Variants in MRPL1 observed in about 807,000 individuals in gnomAD.
MRPL1 encodes large ribosomal subunit protein uL1m.
A neutral mutation model predicts 38.0 loss-of-function variants in MRPL1; 28 were observed. The ratio of observed to expected loss-of-function variants is 0.74; its 90% confidence interval spans 0.55 to 1.01. The LOEUF (loss-of-function observed/expected upper bound fraction) is 1.01. Among genes scored for constraint, MRPL1 ranks in the 50% least tolerant of loss-of-function variants. The pLI is 0.00. For missense variants in MRPL1, 358 were observed against 389.8 expected (o/e 0.92, Z 0.69); for synonymous variants, 123 against 126.7 (o/e 0.97, Z 0.20).
intron 1 of MRPL1, among the ~76,000 whole-genome samples, chr4:77,869,580 GTTGTTTGT>G (rs141857510): frequency 3.1e-4 from 47 of 151,410 alleles, no homozygotes; most frequent in South Asian, 1.3e-3. Context: ...CTTGCTTTTT[GTTGTTTGT>G]TTGTTTGTTT....
intron 7 of MRPL1, among the ~76,000 whole-genome samples, chr4:77,939,397 T>C (rs1578063220): frequency 6.6e-6 from 1 of 152,210 alleles, no homozygotes; most frequent in Non-Finnish European, 1.5e-5. Context: ...TTGTTTTTTT[T>C]CTTCCCGATT....
chr4:77,871,026 A>G (rs998074243), intron 1 of MRPL1, among the ~76,000 whole-genome samples: 12 of 152,272 alleles, frequency 7.9e-5, no homozygotes, highest in African/African-American at 2.9e-4. Flanking sequence ...TTTGGGATAC[A>G]TATACATATT....
intron 1 of MRPL1, among the ~76,000 whole-genome samples, chr4:77,867,709 T>C (rs931337654): frequency 6.7e-6 from 1 of 149,844 alleles, no homozygotes; most frequent in East Asian, 2.0e-4. Flanking sequence ...TGGGATTACA[T>C]GCGTGAACCA....
chr4:77,929,462 A>G lies in MRPL1; in HGVS notation c.777+20090A>G, dbSNP rs116791487. ...TAGTATTTACAGAAACAATAAAAACATCTATAAGGCCATGTTATGAATTAT... is the reference window on the plus strand; with the variant it reads ...TAGTATTTACAGAAACAATAAAAACGTCTATAAGGCCATGTTATGAATTAT... On this transcript the variant is annotated intron_variant, in intron 7 of 8. Transcript: ENST00000315567. Among the ~76,000 whole-genome samples, 1,072 of 152,310 alleles carry G rather than the reference A, an allele frequency of 7.0e-3. 16 individuals carry two copies. The highest frequency in any genetic ancestry group is 0.025 in the African/African-American group (1,020 of 41,572).
At chr4:77,937,221 G>A (rs1049992836) in intron 7 of MRPL1, among the ~76,000 whole-genome samples, 4 of 151,878 alleles carry the variant, frequency 2.6e-5, no homozygotes, top group African/African-American at 9.7e-5. Flanking sequence ...TCCCTTCTGC[G>A]TTAGACGCAC....
chr4:77,880,301 C>T (rs943708115), intron 2 of MRPL1, among the ~76,000 whole-genome samples: 2 of 152,152 alleles, frequency 1.3e-5, no homozygotes, highest in Non-Finnish European at 2.9e-5. Context: ...GCTCATGGCC[C>T]TCATCCTTCA....
intron 6 of MRPL1, among the ~76,000 whole-genome samples, chr4:77,900,202 T>A (rs1219237357): frequency 6.6e-6 from 1 of 152,250 alleles, no homozygotes; most frequent in Non-Finnish European, 1.5e-5. Flanking sequence ...CTTTTTCATG[T>A]ATTTATATAT....
chr4:77,878,289 G>C (rs1193211394), intron 2 of MRPL1, among the ~76,000 whole-genome samples: 2 of 152,194 alleles, frequency 1.3e-5, no homozygotes, highest in Non-Finnish European at 2.9e-5. Context: ...CAGAACTTCT[G>C]CATTTAGTTT....
intron 7 of MRPL1, among the ~76,000 whole-genome samples, chr4:77,935,929 C>A: frequency 1.6e-5 from 1 of 62,274 alleles, no homozygotes. Context: ...AAGACTATGT[C>A]TCAAAAAAAA....
intron 7 of MRPL1, among the ~76,000 whole-genome samples, chr4:77,921,772 GTTT>G (rs36001019): frequency 1.4e-5 from 2 of 144,078 alleles, no homozygotes; most frequent in African/African-American, 2.5e-5. Context: ...TTCGTGCAGA[GTTT>G]TTTTTTTTTT....
At chr4:77,928,328 G>C (rs1420819254) in intron 7 of MRPL1, among the ~76,000 whole-genome samples, 1 of 152,164 alleles carries the variant, frequency 6.6e-6, no homozygotes, top group African/African-American at 2.4e-5. Flanking sequence ...GAAATTAAAT[G>C]CTTATTTTGA....
Position 77,883,419 on chromosome 4 carries a change from G to C in MRPL1, c.321G>C (p.Lys107Asn). The stretch of plus-strand genomic sequence containing the variant: ...TGGAGAAAGCTGTTCACTTACTTAA[G>C]AAATTTCAAATTCTTGACTTTACTA... ...YEVEKAVHLL[K>N]KFQILDFTSP... is the part of the protein sequence containing the mutation. The change falls in exon 3 of 9, where the codon AAG becomes AAC. Residue 107 changes from lysine (K) to asparagine (N), a missense_variant. Transcript: ENST00000315567. 6.2e-7 allele frequency: 1 copy of C among 1,613,868 alleles called. No individual in the cohort carries two copies. The highest frequency in any genetic ancestry group is 8.5e-7 in the Non-Finnish European group (1 of 1,179,918).
At chr4:77,863,116 C>T (rs1735041878) in intron 1 of MRPL1, 8 of 561,088 alleles carry the variant, frequency 1.4e-5, no homozygotes, top group South Asian at 2.4e-5. Context: ...CATCGAGCGC[C>T]CTCCAGCCAC....
intron 7 of MRPL1, among the ~76,000 whole-genome samples, chr4:77,921,147 A>G (rs975461312): frequency 5.3e-5 from 8 of 152,196 alleles, no homozygotes; most frequent in Non-Finnish European, 1.2e-4. Flanking sequence ...ATGTGCTGGC[A>G]TCTCCTTTAA....
At position 77,925,353 on chromosome 4, in the gene MRPL1, G is replaced by GT. The variant is rs1167872567; in HGVS notation, c.777+15990dup. ...AAGTACTTTTTTTTTTTTGTTTTTT[G>GT]TTTTTTTTTCTTTTTTGAGACCTAG... On this transcript the variant is annotated intron_variant, in intron 7 of 8. Transcript: ENST00000315567. 7.6e-3 allele frequency among the ~76,000 whole-genome samples: 1,089 copies of GT among 142,624 alleles called. 15 individuals carry two copies. The highest frequency in any genetic ancestry group is 0.026 in the African/African-American group (1,010 of 39,088). 93.6% of individuals were successfully genotyped at this position (142,624 alleles called of 152,430 possible). A position where few individuals can be genotyped will look rare whatever the true frequency, so the allele number is the denominator to read the frequency against.
intron 7 of MRPL1, among the ~76,000 whole-genome samples, chr4:77,935,946 A>AT (rs199720801): frequency 0.15 from 21,875 of 150,416 alleles, 1,846 homozygotes; most frequent in South Asian, 0.24. Flanking sequence ...AAAAAAAAAA[A>AT]AGTAAACTCT....
chr4:77,863,228 G>C, intron 1 of MRPL1, among the ~76,000 whole-genome samples: 1 of 152,096 alleles, frequency 6.6e-6, no homozygotes, highest in Non-Finnish European at 1.5e-5. Context: ...GAAAGATGAT[G>C]TATTTGAGTG....
intron 6 of MRPL1, among the ~76,000 whole-genome samples, chr4:77,901,470 A>T (rs1260128694): frequency 2.1e-5 from 3 of 145,400 alleles, no homozygotes; most frequent in East Asian, 2.0e-4. Context: ...TTATAAGATT[A>T]AAAAAAAAAA....
At chr4:77,903,252 G>A (rs1469110632) in intron 6 of MRPL1, among the ~76,000 whole-genome samples, 1 of 147,568 alleles carries the variant, frequency 6.8e-6, no homozygotes, top group East Asian at 2.0e-4. Flanking sequence ...AATAAAAGAT[G>A]AAAACGTTGA....
Sources: gnomAD v4.1 joint callset for allele counts (sites outside exome capture counted in the v4.1 genomes callset) on GRCh38, gnomAD v4.1.1 for gene constraint, MANE v1.5 for transcripts, NCBI Gene and HGNC (gene_info 2026-07-23, HGNC 2026-07-21) for gene names.